DNAH8: variants seen among roughly 807,000 people sequenced by gnomAD.
DNAH8 encodes the protein axonemal beta dynein heavy chain 8.
DNAH8 carries 382 observed loss-of-function variants against 562.1 expected under a neutral mutation model. That is an observed-to-expected ratio of 0.68 (90% CI 0.63 to 0.74). The LOEUF (loss-of-function observed/expected upper bound fraction) is 0.74. DNAH8 is among the 30% of genes least tolerant of loss of function. The pLI is 0.00. For missense variants in DNAH8, 5,203 were observed against 5,620.4 expected, an observed-to-expected ratio of 0.93 and a Z score of 2.37; for synonymous variants, 1,881 against 1,919.4, an observed-to-expected ratio of 0.98 and a Z score of 0.52.
intron 17 of DNAH8, among the ~76,000 whole-genome samples, chr6:38,784,344 C>T (rs1053774666): frequency 3.9e-5 from 6 of 152,114 alleles, no homozygotes; most frequent in Non-Finnish European, 7.4e-5. Flanking sequence ...TCTACAATGC[C>T]GCGCACTTAA....
chr6:38,821,735 G>T (rs1258158520), intron 26 of DNAH8, among the ~76,000 whole-genome samples: 4 of 151,874 alleles, frequency 2.6e-5, no homozygotes, highest in African/African-American at 9.7e-5. Context: ...GCTAATTTTT[G>T]TATTATTGTG....
At chr6:38,989,926 A>G in intron 87 of DNAH8, 86 bp from the exon 88 acceptor site, 1 of 705,434 alleles carries the variant, frequency 1.4e-6, no homozygotes, top group Non-Finnish European at 2.4e-6. Context: ...GTTAAAATGG[A>G]AATAAGGTGG....
chr6:38,937,277 C>T (rs1055282471), intron 77 of DNAH8, among the ~76,000 whole-genome samples: 1 of 151,668 alleles, frequency 6.6e-6, no homozygotes, highest in Non-Finnish European at 1.5e-5. Flanking sequence ...ATGGGTGCAG[C>T]AAACAAACAT....
intron 6 of DNAH8, among the ~76,000 whole-genome samples, chr6:38,737,595 A>T (rs2127581705): frequency 6.6e-6 from 1 of 151,522 alleles, no homozygotes; most frequent in African/African-American, 2.4e-5. Flanking sequence ...TCAGTAAATT[A>T]TGAAGTCATA....
At chr6:38,907,254 A>C (rs533036305) in intron 63 of DNAH8, among the ~76,000 whole-genome samples, 1 of 152,166 alleles carries the variant, frequency 6.6e-6, no homozygotes, top group Admixed American at 6.5e-5. Context: ...CGTCCTCTCC[A>C]TCCAGTATGA....
At chr6:38,786,672 T>C in intron 17 of DNAH8, 93 bp from the exon 18 acceptor site, 1 of 1,298,478 alleles carries the variant, frequency 7.7e-7, no homozygotes, top group Non-Finnish European at 1.1e-6. Context: ...CCTCAAGAAG[T>C]TAGTAATCCA....
intron 62 of DNAH8, among the ~76,000 whole-genome samples, chr6:38,904,860 A>G (rs553680279): frequency 6.6e-6 from 1 of 151,922 alleles, no homozygotes; most frequent in South Asian, 2.1e-4. Context: ...ACTGATATGC[A>G]TGACGACACT....
chr6:38,788,752 G>A (rs1399622894), intron 18 of DNAH8, among the ~76,000 whole-genome samples: 1 of 152,018 alleles, frequency 6.6e-6, no homozygotes, highest in Admixed American at 6.6e-5. Flanking sequence ...TCTTGATGGT[G>A]TTCTTTGAAG....
At chr6:38,837,251 A>C (rs1395236286) in intron 32 of DNAH8, among the ~76,000 whole-genome samples, 1 of 152,114 alleles carries the variant, frequency 6.6e-6, no homozygotes, top group Non-Finnish European at 1.5e-5. Flanking sequence ...GTGAGGTCTG[A>C]TGCTGGATAT....
At chr6:38,788,155 G>GTTTTTTTTTTTTTTTT (rs56324450) in intron 18 of DNAH8, among the ~76,000 whole-genome samples, 1 of 147,716 alleles carries the variant, frequency 6.8e-6, no homozygotes, top group Non-Finnish European at 1.5e-5. Flanking sequence ...GACTTTTCCT[G>GTTTTTTTTTTTTTTTT]TTTTTTTTTT....
chr6:38,751,037 G>A (rs904257024), intron 9 of DNAH8, among the ~76,000 whole-genome samples: 1 of 152,164 alleles, frequency 6.6e-6, no homozygotes, highest in Non-Finnish European at 1.5e-5. Flanking sequence ...AGAACTGAGT[G>A]GCTTAAAAAC....
At chr6:38,842,116 C>T (rs181533984) in intron 33 of DNAH8, among the ~76,000 whole-genome samples, 19 of 152,058 alleles carry the variant, frequency 1.2e-4, no homozygotes, top group Admixed American at 6.5e-4. Flanking sequence ...TTTTTCTTTA[C>T]AGAATAAACC....
intron 80 of DNAH8, among the ~76,000 whole-genome samples, chr6:38,948,367 C>T (rs768531240): frequency 1.2e-4 from 18 of 151,490 alleles, no homozygotes; most frequent in African/African-American, 2.7e-4. Context: ...GGGGGAGTTT[C>T]GCTCTTGTTG....
chr6:38,965,404 T>G (rs182721958), intron 82 of DNAH8, among the ~76,000 whole-genome samples: 2 of 152,302 alleles, frequency 1.3e-5, no homozygotes, highest in Admixed American at 1.3e-4. Flanking sequence ...ATTATGCATA[T>G]TAAAAGGATT....
At chr6:38,991,388 G>A (rs1764777619) in intron 88 of DNAH8, among the ~76,000 whole-genome samples, 1 of 152,210 alleles carries the variant, frequency 6.6e-6, no homozygotes, top group African/African-American at 2.4e-5. Flanking sequence ...AAGTTATCTG[G>A]GGATGGGAAA....
At chr6:38,952,609 C>G (rs1345146939) in intron 82 of DNAH8, among the ~76,000 whole-genome samples, 1 of 152,108 alleles carries the variant, frequency 6.6e-6, no homozygotes, top group Non-Finnish European at 1.5e-5. Context: ...AAAATCAATT[C>G]AGTCATGTCC....
chr6:38,832,925 G>A (rs1773964317), intron 31 of DNAH8, among the ~76,000 whole-genome samples: 3 of 152,096 alleles, frequency 2.0e-5, no homozygotes, highest in African/African-American at 2.4e-5. Flanking sequence ...CTCGGGGGCT[G>A]AATTCTCATG....
At chr6:38,939,042 C>A in intron 79 of DNAH8, 54 bp downstream of exon 79, 4 of 1,427,030 alleles carry the variant, frequency 2.8e-6, no homozygotes, top group Non-Finnish European at 3.9e-6. Flanking sequence ...TTTTGATATG[C>A]TCTTTGATAT....
At chr6:38,783,895 C>G (rs1332203988) in intron 17 of DNAH8, among the ~76,000 whole-genome samples, 1 of 152,228 alleles carries the variant, frequency 6.6e-6, no homozygotes, top group African/African-American at 2.4e-5. Flanking sequence ...AAACCAGCGT[C>G]TCCACCTCAG....
Sources: allele counts gnomAD v4.1 joint callset (sites outside exome capture counted in the v4.1 genomes callset), GRCh38; gene constraint gnomAD v4.1.1; transcripts MANE v1.5; gene names NCBI Gene and HGNC (gene_info 2026-07-23, HGNC 2026-07-21).